RBMS3: variants seen among roughly 807,000 people sequenced by gnomAD.
RBMS3 encodes the protein RNA-binding motif, single-stranded-interacting protein 3.
RBMS3 carries 27 observed loss-of-function variants against 66.8 expected under a neutral mutation model. The ratio of observed to expected loss-of-function variants is 0.40; its 90% CI spans 0.30 to 0.56. RBMS3 has a LOEUF of 0.56. Among genes scored for constraint, RBMS3 ranks in the 20% least tolerant of loss-of-function variants. The pLI is 0.40. For missense variants in RBMS3, 513 were observed against 549.5 expected, an observed-to-expected ratio of 0.93 and a Z score of 0.66; for synonymous variants, 188 against 183.0, an observed-to-expected ratio of 1.03 and a Z score of -0.22.
chr3:30,006,580 CA>C lies in RBMS3; in HGVS notation c.*2721del, dbSNP rs1699807714. The C allele has an allele frequency of 6.6e-6, 1 of 151,938 alleles. No individual in the cohort carries two copies. The highest frequency in any genetic ancestry group is 1.5e-5 in the Non-Finnish European group (1 of 67,812). 9.4% of individuals were successfully genotyped at this position (151,938 alleles called of 1,614,324 possible). A position where few individuals can be genotyped will look rare whatever the true frequency, so the allele number is the denominator to read the frequency against. On this transcript the variant is annotated 3_prime_UTR_variant, in exon 15 of 15. Coordinates refer to ENST00000383767, the MANE Select transcript of RBMS3 (RefSeq NM_001003793.3). Reference sequence around the variant, plus strand: ...GTTTTTATCTTTGAAAAGTGGGCCCCAAAGTTTTTTGGGGTACAAAAAGACA... The same window carrying C: ...GTTTTTATCTTTGAAAAGTGGGCCCCAAGTTTTTTGGGGTACAAAAAGACA...
chr3:29,559,510 CAAAAAAAAAAAAAAAAAAAAAAAAAAAAA>C (rs553520590), intron 3 of RBMS3, among the ~76,000 whole-genome samples: 2 of 41,370 alleles, frequency 4.8e-5, no homozygotes, highest in African/African-American at 7.5e-5. Context: ...GACTCTGTCT[CAAAAAAAAAAAAAAAAAAAAAAAAAAAAA>C]AAAAAAAAAA....
intron 4 of RBMS3, among the ~76,000 whole-genome samples, chr3:29,651,285 C>T (rs1404687099): frequency 6.6e-6 from 1 of 152,136 alleles, no homozygotes; most frequent in Non-Finnish European, 1.5e-5. Flanking sequence ...GAAACAGCAT[C>T]TAATATTGCA....
intron 1 of RBMS3, among the ~76,000 whole-genome samples, chr3:29,383,505 TA>T (rs530057803): frequency 1.3e-5 from 2 of 152,002 alleles, no homozygotes; most frequent in African/African-American, 2.4e-5. Flanking sequence ...CCAAGAAGGG[TA>T]AAAAAAATCA....
rs200997680 is a variant in RBMS3 at position 29,801,272 on chromosome 3, C to CTTTTTTTTT, written c.637+38288_637+38296dup. On this transcript the variant is annotated intron_variant, in intron 6 of 14. Coordinates refer to ENST00000383767, the MANE Select transcript of RBMS3 (RefSeq NM_001003793.3). ...AACTTGAAGAATCATTGCTTTTTTT[C>CTTTTTTTTT]TTTTTTTTTTTTTGAGACAAAGTCT... 7.9e-3 allele frequency among the ~76,000 whole-genome samples: 1,026 copies of CTTTTTTTTT among 129,396 alleles called. 24 individuals carry two copies. The highest frequency in any genetic ancestry group is 0.028 in the African/African-American group (942 of 33,232). 84.9% of individuals were successfully genotyped at this position (129,396 alleles called of 152,430 possible).
At chr3:29,739,172 G>A (rs957191863) in intron 4 of RBMS3, among the ~76,000 whole-genome samples, 3 of 152,102 alleles carry the variant, frequency 2.0e-5, no homozygotes, top group African/African-American at 4.8e-5. Context: ...TTTATTGGTC[G>A]GCCGGACGTG....
chr3:29,996,291 A>T (rs1189336313), intron 14 of RBMS3, among the ~76,000 whole-genome samples: 1 of 151,760 alleles, frequency 6.6e-6, no homozygotes, highest in African/African-American at 2.4e-5. Context: ...ACCTACAAAG[A>T]GACTTAGACT....
intron 2 of RBMS3, among the ~76,000 whole-genome samples, chr3:29,453,017 G>A (rs968409041): frequency 6.6e-6 from 1 of 152,056 alleles, no homozygotes; most frequent in African/African-American, 2.4e-5. Context: ...TTGTAATCTT[G>A]CTATTAATAT....
At chr3:29,504,216 TTAG>T (rs1489128947) in intron 3 of RBMS3, among the ~76,000 whole-genome samples, 1 of 152,056 alleles carries the variant, frequency 6.6e-6, no homozygotes, top group Non-Finnish European at 1.5e-5. Flanking sequence ...GCCGTGCCAG[TTAG>T]TAGGGGAAAA....
intron 4 of RBMS3, among the ~76,000 whole-genome samples, chr3:29,634,355 C>T (rs2049395563): frequency 6.6e-6 from 1 of 151,750 alleles, no homozygotes; most frequent in African/African-American, 2.4e-5. Flanking sequence ...GTTTACCTTC[C>T]CCAACAATTT....
At chr3:29,908,488 T>C (rs1388259982) in intron 10 of RBMS3, among the ~76,000 whole-genome samples, 1 of 152,124 alleles carries the variant, frequency 6.6e-6, no homozygotes, top group African/African-American at 2.4e-5. Context: ...AAATAATCAG[T>C]TGCCAACTGC....
rs558839351 is a variant in RBMS3 at position 29,444,788 on chromosome 3, C to CTTTTTTTTTTTTTTTTTTTTTTTT, written c.248+9874_248+9897dup. Among the ~76,000 whole-genome samples the CTTTTTTTTTTTTTTTTTTTTTTTT allele has an allele frequency of 4.1e-3, 205 of 50,492 alleles. 31 individuals carry two copies. Among genetic ancestry groups the CTTTTTTTTTTTTTTTTTTTTTTTT allele is most frequent in the East Asian group, 7.4e-3 (8 of 1,076 alleles). The allele number at this position is 50,492 out of a possible 152,430, so 33.1% of individuals were successfully genotyped here. Reference sequence around the variant, plus strand: ...AATTCTTTCAAGCGGAAATATATGCCTTTTTTTTTTTTTTTTTTTTTTTTG... The same window carrying CTTTTTTTTTTTTTTTTTTTTTTTT: ...AATTCTTTCAAGCGGAAATATATGCCTTTTTTTTTTTTTTTTTTTTTTTTTTTTTTTTTTTTTTTTTTTTTTTTG... On this transcript the variant is annotated intron_variant, in intron 2 of 14. Coordinates refer to ENST00000383767, the MANE Select transcript of RBMS3 (RefSeq NM_001003793.3).
chr3:29,749,923 CATTATT>C (rs2055096867), intron 5 of RBMS3, among the ~76,000 whole-genome samples: 2 of 152,092 alleles, frequency 1.3e-5, no homozygotes, highest in African/African-American at 4.8e-5. Flanking sequence ...CAAGAATACT[CATTATT>C]AGTTTCCATA....
chr3:29,756,056 T>G (rs2055398825), intron 5 of RBMS3, among the ~76,000 whole-genome samples: 1 of 152,212 alleles, frequency 6.6e-6, no homozygotes, highest in Non-Finnish European at 1.5e-5. Flanking sequence ...TTGGTAGGAA[T>G]AATGGCAAAG....
At chr3:29,384,271 G>A (rs556503979) in intron 1 of RBMS3, among the ~76,000 whole-genome samples, 14 of 151,938 alleles carry the variant, frequency 9.2e-5, no homozygotes, top group African/African-American at 3.1e-4. Context: ...AGCCGTGATC[G>A]CACCACTATA....
chr3:29,729,536 A>G (rs927404463), intron 4 of RBMS3, among the ~76,000 whole-genome samples: 3 of 152,106 alleles, frequency 2.0e-5, no homozygotes, highest in African/African-American at 7.2e-5. Flanking sequence ...TGCTATTTCT[A>G]GTTCTAGATG....
intron 6 of RBMS3, among the ~76,000 whole-genome samples, chr3:29,864,976 G>C (rs1204717256): frequency 1.7e-5 from 2 of 116,582 alleles, no homozygotes; most frequent in East Asian, 5.8e-4. Flanking sequence ...AAGGAAGGGA[G>C]GGAGGGAGGA....
intron 1 of RBMS3, among the ~76,000 whole-genome samples, chr3:29,339,326 G>T (rs188623201): frequency 3.3e-4 from 50 of 152,308 alleles, no homozygotes; most frequent in Middle Eastern, 3.4e-3. Flanking sequence ...GAGCATTAAA[G>T]TGTGCCTAAT....
intron 8 of RBMS3, among the ~76,000 whole-genome samples, chr3:29,888,782 C>T (rs533163295): frequency 4.6e-5 from 7 of 151,734 alleles, no homozygotes; most frequent in African/African-American, 1.7e-4. Context: ...TTATGATCTC[C>T]ACTCCTCAGG....
intron 12 of RBMS3, among the ~76,000 whole-genome samples, chr3:29,981,229 C>T (rs1697966223): frequency 6.6e-6 from 1 of 151,664 alleles, no homozygotes; most frequent in Non-Finnish European, 1.5e-5. Context: ...ATTTGGCTCT[C>T]TGTCTATTAT....
Sources: gnomAD v4.1 joint callset for allele counts (sites outside exome capture counted in the v4.1 genomes callset) on GRCh38, gnomAD v4.1.1 for gene constraint, MANE v1.5 for transcripts, NCBI Gene and HGNC (gene_info 2026-07-23, HGNC 2026-07-21) for gene names.